The following CDCP1 variants were observed in gnomAD, a reference collection of about 807,000 sequenced individuals.
The protein encoded by CDCP1 is CUB domain containing protein 1, also known as CUB domain-containing protein 1.
Under a neutral mutation model 60.2 loss-of-function variants are expected in CDCP1, and 29 were observed. The ratio of observed to expected loss-of-function variants is 0.48; its 90% confidence interval spans 0.36 to 0.66. The LOEUF is 0.66. CDCP1 is among the 30% of genes least tolerant of loss of function. CDCP1 has a pLI of 0.00. For synonymous variants in CDCP1, 387 were observed against 431.1 expected (o/e 0.90, Z 1.27); for missense variants, 876 against 1,074.3 (o/e 0.82, Z 2.58).
rs936588566 is a variant in CDCP1 at position 45,098,035 on chromosome 3, A to T, written c.1025-2467T>A. 2.6e-5 allele frequency among the ~76,000 whole-genome samples: 4 copies of T among 151,954 alleles called. No homozygotes were observed. The East Asian group carries it at 7.7e-4, about 29-fold the overall frequency. Reference sequence around the variant, plus strand: ...TACCTGCAGGACACCTCCCCACCCCAAAGCCGTGTTAGAAGCCCCTCTGCT... The same window carrying T: ...TACCTGCAGGACACCTCCCCACCCCTAAGCCGTGTTAGAAGCCCCTCTGCT... On this transcript the variant is annotated intron_variant, in intron 4 of 8. Coordinates refer to ENST00000296129, the MANE Select transcript of CDCP1 (RefSeq NM_022842.5).
At position 45,093,292 on chromosome 3, in the gene CDCP1, T is replaced by C; in HGVS notation, c.1612A>G (p.Ile538Val). Reference sequence around the variant, plus strand: ...CCCCCCTTACCTTTGAAATAAGGTATAAAGGACACCGTCAGACCCTGCCTG... The same window carrying C: ...CCCCCCTTACCTTTGAAATAAGGTACAAAGGACACCGTCAGACCCTGCCTG... ...ASRQGLTVSF[I>V]PYFKEEGVFT... The change falls in exon 6 of 9, where the codon ATA becomes GTA. Residue 538 changes from isoleucine (I) to valine (V), a missense_variant. By Grantham distance (29) the Ile-to-Val change is conservative (BLOSUM62 3). Transcript: ENST00000296129. The C allele has an allele frequency of 1.2e-6, 2 of 1,614,106 alleles. No homozygotes were observed. Among genetic ancestry groups the C allele is most frequent in the South Asian group, 1.1e-5 (1 of 91,082 alleles).
chr3:45,134,290 A>T (rs1481691415), intron 1 of CDCP1, among the ~76,000 whole-genome samples: 1 of 151,936 alleles, frequency 6.6e-6, no homozygotes, highest in Non-Finnish European at 1.5e-5. Context: ...ACACCCAGCT[A>T]ATTTTTTGTA....
chr3:45,093,949 C>G (rs994948018), intron 5 of CDCP1, among the ~76,000 whole-genome samples: 1 of 152,098 alleles, frequency 6.6e-6, no homozygotes, highest in Non-Finnish European at 1.5e-5. Context: ...TTCTGTGTAT[C>G]TGTGTCTTAG....
intron 4 of CDCP1, among the ~76,000 whole-genome samples, chr3:45,106,427 C>T (rs139212655): frequency 3.9e-5 from 6 of 152,278 alleles, no homozygotes; most frequent in Admixed American, 2.0e-4. Context: ...CATGGGTGCC[C>T]CACTTCACTG....
chr3:45,084,841 G>A lies in CDCP1; in HGVS notation c.*797C>T, dbSNP rs1698162858. 1 of 152,602 alleles carries A rather than the reference G, an allele frequency of 6.6e-6. No homozygotes were observed. The highest frequency in any genetic ancestry group is 6.5e-5 in the Admixed American group (1 of 15,280). The allele number at this position is 152,602 out of a possible 1,614,324, so 9.5% of individuals were successfully genotyped here. A position where few individuals can be genotyped will look rare whatever the true frequency, so the allele number is the denominator to read the frequency against. On this transcript the variant is annotated 3_prime_UTR_variant, in exon 9 of 9. Coordinates refer to ENST00000296129, the MANE Select transcript of CDCP1 (RefSeq NM_022842.5). ...CTTTAAATGTCAAAGTATTGCTGCA[G>A]CTAGGAGAACCGCACATGGAAACTT...
chr3:45,093,163 A>C (rs1698325309), intron 6 of CDCP1, 114 bp downstream of exon 6: 2 of 1,194,814 alleles, frequency 1.7e-6, no homozygotes, highest in African/African-American at 3.0e-5. Context: ...AAGGACCAGC[A>C]TATTGAGCTA....
At chr3:45,146,087 T>TCC in intron 1 of CDCP1, 119 bp downstream of exon 1, 1 of 742,132 alleles carries the variant, frequency 1.3e-6, no homozygotes, top group South Asian at 2.2e-5. Flanking sequence ...GTCCCCGCCC[T>TCC]CTCTCCGCAC....
chr3:45,088,335 A>T (rs1254749020), intron 8 of CDCP1, among the ~76,000 whole-genome samples: 2 of 151,572 alleles, frequency 1.3e-5, no homozygotes, highest in African/African-American at 4.9e-5. Context: ...ATACAAAAAA[A>T]ATTAGCTGGG....
chr3:45,132,817 C>G (rs1699121278), intron 1 of CDCP1, among the ~76,000 whole-genome samples: 1 of 152,258 alleles, frequency 6.6e-6, no homozygotes, highest in Non-Finnish European at 1.5e-5. Context: ...GGCAAAGCCT[C>G]TGTGCCACGG....
At position 45,082,895 on chromosome 3, in the gene CDCP1, G is replaced by T. The variant is rs994073387; in HGVS notation, c.*2743C>A. On this transcript the variant is annotated 3_prime_UTR_variant, in exon 9 of 9. Coordinates refer to ENST00000296129, the MANE Select transcript of CDCP1 (RefSeq NM_022842.5). ...CCTGGGCTTTAAAGAAAAGAGCCAG[G>T]GTTCCTCAGGCTGGGCCCCTTCACT... 6.6e-6 allele frequency: 1 copy of T among 152,224 alleles called. No individual in the cohort carries two copies. The highest frequency in any genetic ancestry group is 1.5e-5 in the Non-Finnish European group (1 of 68,048). The allele number at this position is 152,224 out of a possible 1,614,324, so 9.4% of individuals were successfully genotyped here.
At chr3:45,133,320 C>CAACAAT (rs1699130773) in intron 1 of CDCP1, among the ~76,000 whole-genome samples, 2 of 151,566 alleles carry the variant, frequency 1.3e-5, no homozygotes, top group African/African-American at 4.9e-5. Context: ...AGAACCCACC[C>CAACAAT]GTGCTGTACA....
intron 2 of CDCP1, among the ~76,000 whole-genome samples, chr3:45,118,047 G>A (rs1423523242): frequency 2.0e-5 from 3 of 152,192 alleles, no homozygotes; most frequent in Non-Finnish European, 4.4e-5. Flanking sequence ...CTGAAGATCT[G>A]TAGCTTGTGG....
rs572385283 is a variant in CDCP1, at chr3:45,130,355, A to T, written c.83-11734T>A. Among the ~76,000 whole-genome samples the T allele has an allele frequency of 3.3e-5, 5 of 152,246 alleles. No individual in the cohort carries two copies. The South Asian group carries it at 1.0e-3, about 32-fold the overall frequency. On this transcript the variant is annotated intron_variant, in intron 1 of 8. Transcript: ENST00000296129. ...AGGTTGGTCTTGAACTCCTGGGCTC[A>T]AGCGATCCTCCTGCCTTGGCCTCCC...
intron 1 of CDCP1, among the ~76,000 whole-genome samples, chr3:45,140,061 G>C (rs1699257821): frequency 6.6e-6 from 1 of 152,224 alleles, no homozygotes; most frequent in South Asian, 2.1e-4. Context: ...CATCTCTTTG[G>C]ATGCATATGG....
At chr3:45,123,676 C>T (rs75715639) in intron 1 of CDCP1, among the ~76,000 whole-genome samples, 11 of 152,186 alleles carry the variant, frequency 7.2e-5, no homozygotes, top group South Asian at 2.1e-4. Context: ...GCATTTATTT[C>T]GCTGCAATAA....
chr3:45,112,222 GA>G lies in CDCP1; in HGVS notation c.515del (p.Val172AlafsTer21). ...CATTGCTGCAGAAGGTTCCGATCCT[GA>G]CCACGGTGGCATCGATTCGGCCGCT... ...SISGRIDATV[V>X]RIGTFCSNGT... is the part of the protein sequence containing the mutation. On this transcript the variant is annotated frameshift_variant, in exon 3 of 9. Transcript: ENST00000296129. LOFTEE classifies it high-confidence loss of function. 6.2e-7 allele frequency: 1 copy of G among 1,614,172 alleles called. No homozygotes were observed.
intron 1 of CDCP1, among the ~76,000 whole-genome samples, chr3:45,135,304 A>AC (rs1455108558): frequency 1.3e-4 from 20 of 152,110 alleles, no homozygotes; most frequent in African/African-American, 4.3e-4. Context: ...ATAGAAAAAA[A>AC]AAAAAACAAA....
At chr3:45,138,978 G>A (rs187557511) in intron 1 of CDCP1, among the ~76,000 whole-genome samples, 87 of 152,282 alleles carry the variant, frequency 5.7e-4, no homozygotes, top group African/African-American at 2.0e-3. Context: ...TTCCACTCAC[G>A]GCAGAGGGCA....
At chr3:45,117,771 G>A (rs183790629) in intron 2 of CDCP1, among the ~76,000 whole-genome samples, 9 of 151,868 alleles carry the variant, frequency 5.9e-5, no homozygotes, top group Non-Finnish European at 1.0e-4. Context: ...TAATTTTTGT[G>A]TTTTTAGTAG....
Sources: allele counts gnomAD v4.1 joint callset (sites outside exome capture counted in the v4.1 genomes callset), GRCh38; gene constraint gnomAD v4.1.1; transcripts MANE v1.5; gene names NCBI Gene and HGNC (gene_info 2026-07-23, HGNC 2026-07-21).